Variants in HMBOX1 observed in about 807,000 individuals in gnomAD.
The protein encoded by HMBOX1 is homeobox containing 1.
A neutral mutation model predicts 54.5 loss-of-function variants in HMBOX1; 14 were observed. That is an observed-to-expected ratio of 0.26 (90% CI 0.17 to 0.40). HMBOX1 has a LOEUF of 0.40. Ranked by LOEUF, HMBOX1 falls within the 10% of genes least tolerant of loss-of-function variation. The probability of loss-of-function intolerance (pLI) is 1.00; values close to 1 mark genes in which losing one functional copy is unlikely to be tolerated. For missense variants in HMBOX1, 332 were observed against 514.4 expected, an observed-to-expected ratio of 0.65 and a Z score of 3.43; for synonymous variants, 160 against 181.0, an observed-to-expected ratio of 0.88 and a Z score of 0.93.
At chr8:28,969,780 C>T (rs1033602109) in intron 2 of HMBOX1, among the ~76,000 whole-genome samples, 5 of 152,052 alleles carry the variant, frequency 3.3e-5, no homozygotes, top group African/African-American at 1.2e-4. Flanking sequence ...AATTTTGGTT[C>T]TGATATTTAC....
At chr8:29,024,780 A>G (rs1012325490) in intron 6 of HMBOX1, among the ~76,000 whole-genome samples, 4 of 152,140 alleles carry the variant, frequency 2.6e-5, no homozygotes, top group Admixed American at 2.6e-4. Context: ...GAAGTGACTA[A>G]CCCATATGCA....
intron 6 of HMBOX1, among the ~76,000 whole-genome samples, chr8:29,035,519 G>C (rs1803712480): frequency 6.6e-6 from 1 of 152,202 alleles, no homozygotes; most frequent in South Asian, 2.1e-4. Flanking sequence ...TCTAGCTAAA[G>C]TGGAGCAAAT....
intron 4 of HMBOX1, among the ~76,000 whole-genome samples, chr8:28,997,218 C>T (rs1235869651): frequency 1.3e-5 from 2 of 152,128 alleles, no homozygotes; most frequent in African/African-American, 2.4e-5. Context: ...TTCCCCGTTA[C>T]GTATGATGTC....
intron 1 of HMBOX1, among the ~76,000 whole-genome samples, chr8:28,901,811 C>T (rs1162217998): frequency 6.6e-6 from 1 of 152,158 alleles, no homozygotes; most frequent in Non-Finnish European, 1.5e-5. Context: ...GTATTGCATT[C>T]AAGTAAATTA....
intron 1 of HMBOX1, among the ~76,000 whole-genome samples, chr8:28,920,314 G>A (rs185808734): frequency 2.6e-5 from 4 of 152,180 alleles, no homozygotes; most frequent in Non-Finnish European, 5.9e-5. Context: ...TAGGGCCTTG[G>A]AATATAGTTG....
chr8:29,017,476 GT>G (rs1275100522), intron 5 of HMBOX1, among the ~76,000 whole-genome samples: 1 of 152,184 alleles, frequency 6.6e-6, no homozygotes, highest in Non-Finnish European at 1.5e-5. Flanking sequence ...TGATGCTGAC[GT>G]GTTCTAAAAG....
rs1351511917 is a variant in HMBOX1, at chr8:28,970,578, AAGT to A, written c.500+64_500+66del. On this transcript the variant is annotated intron_variant, in intron 3 of 9. Transcript: ENST00000287701. This position sits in a 1 kb window ranked among gnomAD's most constrained non-coding sequence, Gnocchi z 4.3. The stretch of plus-strand genomic sequence containing the variant: ...ATGTCTGTATTCTTAGATTGTTTTT[AAGT>A]AGTATGCTGCGTTTCAGCTACTTAG... The A allele has an allele frequency of 1.8e-6, 2 of 1,102,490 alleles. No homozygotes were observed. The highest frequency in any genetic ancestry group is 3.1e-5 in the African/African-American group (2 of 64,076). The allele number at this position is 1,102,490 out of a possible 1,614,324, so 68.3% of individuals were successfully genotyped here. A position where few individuals can be genotyped will look rare whatever the true frequency, so the allele number is the denominator to read the frequency against.
chr8:28,963,045 T>TGC (rs1825871830), intron 1 of HMBOX1, among the ~76,000 whole-genome samples: 1 of 152,192 alleles, frequency 6.6e-6, no homozygotes, highest in South Asian at 2.1e-4. Context: ...AGTGTGATGG[T>TGC]GCGATCTCGG....
chr8:29,002,963 T>C (rs1832862435), intron 4 of HMBOX1, among the ~76,000 whole-genome samples: 1 of 152,164 alleles, frequency 6.6e-6, no homozygotes, highest in Admixed American at 6.5e-5. Context: ...AATGGACTTG[T>C]ATTATGCTTA....
chr8:29,003,463 G>A (rs759614464), intron 4 of HMBOX1, among the ~76,000 whole-genome samples: 2 of 142,786 alleles, frequency 1.4e-5, no homozygotes, highest in Non-Finnish European at 3.0e-5. Flanking sequence ...AACCCCAAGT[G>A]TATGTTTTTA....
chr8:29,022,882 A>AG (rs892487032), intron 6 of HMBOX1, among the ~76,000 whole-genome samples: 4 of 34,066 alleles, frequency 1.2e-4, no homozygotes, highest in Admixed American at 2.4e-4. Flanking sequence ...AATGGGGGGG[A>AG]GGGGGGGAGG....
chr8:28,899,388 T>A (rs1812778733), intron 1 of HMBOX1, among the ~76,000 whole-genome samples: 1 of 152,222 alleles, frequency 6.6e-6, no homozygotes, highest in South Asian at 2.1e-4. Context: ...TTAGGAGAAC[T>A]CATTTCATCA....
chr8:28,982,403 AT>A (rs1236916647), intron 4 of HMBOX1, among the ~76,000 whole-genome samples: 1 of 152,160 alleles, frequency 6.6e-6, no homozygotes, highest in African/African-American at 2.4e-5. Context: ...AGTAATGGTC[AT>A]GATGATGCCA....
chr8:28,919,365 T>C (rs1290151559), intron 1 of HMBOX1, among the ~76,000 whole-genome samples: 1 of 152,256 alleles, frequency 6.6e-6, no homozygotes, highest in East Asian at 1.9e-4. Context: ...TTTAATTCTC[T>C]GGCCTTTTTA....
chr8:29,026,918 C>A (rs1229289029), intron 6 of HMBOX1, among the ~76,000 whole-genome samples: 1 of 152,044 alleles, frequency 6.6e-6, no homozygotes, highest in East Asian at 1.9e-4. Context: ...AAAGATGAAA[C>A]AAGAATGGCA....
intron 1 of HMBOX1, among the ~76,000 whole-genome samples, chr8:28,909,107 A>C (rs1010331488): frequency 6.6e-6 from 1 of 152,046 alleles, no homozygotes; most frequent in African/African-American, 2.4e-5. Context: ...AAAAAAAAAA[A>C]AAAAAATTAC....
At chr8:28,959,003 A>G (rs1285593149) in intron 1 of HMBOX1, among the ~76,000 whole-genome samples, 3 of 152,202 alleles carry the variant, frequency 2.0e-5, no homozygotes, top group Admixed American at 6.5e-5. Flanking sequence ...AATACATTCT[A>G]AGACTCCCAG....
chr8:28,936,135 A>G (rs1054608381), intron 1 of HMBOX1, among the ~76,000 whole-genome samples: 6 of 152,136 alleles, frequency 3.9e-5, no homozygotes, highest in Non-Finnish European at 2.9e-5. Context: ...TCTCTTTTTC[A>G]CAATACTAAC....
At chr8:28,901,342 T>C (rs1001246508) in intron 1 of HMBOX1, among the ~76,000 whole-genome samples, 1 of 152,208 alleles carries the variant, frequency 6.6e-6, no homozygotes, top group Non-Finnish European at 1.5e-5. Context: ...CAAGTGTTTC[T>C]TCCATCATTC....
Sources: gnomAD v4.1 joint callset for allele counts (sites outside exome capture counted in the v4.1 genomes callset) on GRCh38, gnomAD v4.1.1 for gene constraint, Gnocchi (gnomAD v3.1) non-coding constraint, MANE v1.5 for transcripts, NCBI Gene and HGNC (gene_info 2026-07-23, HGNC 2026-07-21) for gene names.